TAFA1: variants seen among roughly 807,000 people sequenced by gnomAD.
TAFA1 encodes chemokine-like protein TAFA-1.
In TAFA1, 4 loss-of-function variants were observed where a neutral mutation model predicts 18.5. The ratio of observed to expected loss-of-function variants is 0.22; its 90% confidence interval spans 0.11 to 0.49. The LOEUF (loss-of-function observed/expected upper bound fraction) is 0.49, where lower values mean the gene tolerates loss of function less well. TAFA1 is among the 20% of genes least tolerant of loss of function. The probability of loss-of-function intolerance (pLI) is 0.98; values close to 1 mark genes in which losing one functional copy is unlikely to be tolerated. For synonymous variants in TAFA1, 56 were observed against 55.2 expected, an observed-to-expected ratio of 1.01 and a Z score of -0.06; for missense variants, 147 against 169.0, an observed-to-expected ratio of 0.87 and a Z score of 0.72.
intron 3 of TAFA1, among the ~76,000 whole-genome samples, chr3:68,479,682 T>G (rs570142447): frequency 6.6e-6 from 1 of 152,296 alleles, no homozygotes; most frequent in African/African-American, 2.4e-5. Context: ...CTATGTGAAT[T>G]CTGAAGGTAT....
At chr3:68,294,666 C>G (rs931412809) in intron 2 of TAFA1, among the ~76,000 whole-genome samples, 4 of 152,038 alleles carry the variant, frequency 2.6e-5, no homozygotes, top group Non-Finnish European at 1.5e-5. Flanking sequence ...GGGCAAATGA[C>G]TTGAGCCCAG....
At chr3:68,071,416 A>G (rs536202320) in intron 2 of TAFA1, among the ~76,000 whole-genome samples, 47 of 152,202 alleles carry the variant, frequency 3.1e-4, no homozygotes, top group Non-Finnish European at 6.2e-4. Context: ...TGGGAGAGAC[A>G]ATTCAAGATG....
intron 2 of TAFA1, among the ~76,000 whole-genome samples, chr3:68,362,957 C>T (rs1318956336): frequency 9.9e-5 from 8 of 80,476 alleles, no homozygotes; most frequent in Non-Finnish European, 1.4e-4. Flanking sequence ...TTTTTTTTAA[C>T]GATGTAAGCC....
intron 2 of TAFA1, among the ~76,000 whole-genome samples, chr3:68,300,378 A>C (rs1194032849): frequency 6.6e-6 from 1 of 151,550 alleles, no homozygotes; most frequent in East Asian, 1.9e-4. Flanking sequence ...TTCTCACATT[A>C]GCCAAATGTG....
chr3:68,443,682 A>G (rs990023273), intron 3 of TAFA1, among the ~76,000 whole-genome samples: 3 of 152,098 alleles, frequency 2.0e-5, no homozygotes, highest in African/African-American at 7.2e-5. Context: ...AGTGCAGGAA[A>G]GACCCGACCC....
intron 2 of TAFA1, among the ~76,000 whole-genome samples, chr3:68,383,164 T>C (rs1167510039): frequency 1.3e-5 from 2 of 151,876 alleles, no homozygotes; most frequent in African/African-American, 4.8e-5. Context: ...ATAGTTTGAC[T>C]TACTCTCTTT....
chr3:68,469,988 C>T (rs952831893), intron 3 of TAFA1, among the ~76,000 whole-genome samples: 13 of 152,148 alleles, frequency 8.5e-5, no homozygotes, highest in Admixed American at 7.2e-4. Context: ...TACAGTTTGG[C>T]TGTGTCCCCA....
chr3:68,223,569 A>C (rs1401729916), intron 2 of TAFA1, among the ~76,000 whole-genome samples: 1 of 152,090 alleles, frequency 6.6e-6, no homozygotes, highest in Non-Finnish European at 1.5e-5. Flanking sequence ...TCCTTCTAAT[A>C]AAAATGTAAG....
At chr3:68,159,446 T>G (rs545090249) in intron 2 of TAFA1, among the ~76,000 whole-genome samples, 2 of 152,310 alleles carry the variant, frequency 1.3e-5, no homozygotes, top group East Asian at 3.9e-4. Context: ...TTTAAGAAAT[T>G]ATTAGCAACA....
chr3:68,084,224 A>C (rs1196585102), intron 2 of TAFA1, among the ~76,000 whole-genome samples: 1 of 152,194 alleles, frequency 6.6e-6, no homozygotes, highest in East Asian at 1.9e-4. Context: ...GCACCTCTTT[A>C]GTGGAGTTGT....
intron 2 of TAFA1, among the ~76,000 whole-genome samples, chr3:68,188,864 G>A (rs571338544): frequency 6.3e-4 from 96 of 151,658 alleles, no homozygotes; most frequent in African/African-American, 1.9e-3. Flanking sequence ...TTTTTTGTTC[G>A]TTTGTTTGTT....
At chr3:68,470,069 T>C (rs908938016) in intron 3 of TAFA1, among the ~76,000 whole-genome samples, 1 of 152,152 alleles carries the variant, frequency 6.6e-6, no homozygotes, top group African/African-American at 2.4e-5. Flanking sequence ...AATTGAATCA[T>C]GGGGACAGTT....
At chr3:68,137,205 C>G (rs1001849909) in intron 2 of TAFA1, among the ~76,000 whole-genome samples, 2 of 151,802 alleles carry the variant, frequency 1.3e-5, no homozygotes, top group Non-Finnish European at 2.9e-5. Flanking sequence ...AAACCTCAAG[C>G]ATTCAGTCAC....
At chr3:68,292,412 AAAAAAAAAAAAC>A (rs940944972) in intron 2 of TAFA1, among the ~76,000 whole-genome samples, 10 of 113,850 alleles carry the variant, frequency 8.8e-5, no homozygotes, top group African/African-American at 1.3e-4. Context: ...AGACTCTGTC[AAAAAAAAAAAAC>A]AAAAAAAAAA....
At chr3:68,322,501 CAT>C (rs1164494684) in intron 2 of TAFA1, among the ~76,000 whole-genome samples, 1 of 152,160 alleles carries the variant, frequency 6.6e-6, no homozygotes, top group Non-Finnish European at 1.5e-5. Flanking sequence ...GGAGAAGTTA[CAT>C]GTCTTGCCCA....
chr3:68,266,894 A>C (rs965542198), intron 2 of TAFA1, among the ~76,000 whole-genome samples: 11 of 152,170 alleles, frequency 7.2e-5, no homozygotes, highest in Non-Finnish European at 1.6e-4. Flanking sequence ...CTGCCTGACT[A>C]GTCTTTAATG....
At chr3:68,398,479 T>A (rs13086037) in intron 2 of TAFA1, among the ~76,000 whole-genome samples, 1 of 152,166 alleles carries the variant, frequency 6.6e-6, no homozygotes, top group South Asian at 2.1e-4. Context: ...AGAAGGATCT[T>A]CCATTTTCAC....
At chr3:68,125,361 A>G (rs2065451706) in intron 2 of TAFA1, among the ~76,000 whole-genome samples, 1 of 152,180 alleles carries the variant, frequency 6.6e-6, no homozygotes, top group African/African-American at 2.4e-5. Flanking sequence ...TGCTATTGTG[A>G]ATTTTGCTAT....
chr3:68,055,326 G>C (rs115341705), intron 2 of TAFA1, among the ~76,000 whole-genome samples: 116 of 152,176 alleles, frequency 7.6e-4, no homozygotes, highest in African/African-American at 2.7e-3. Context: ...AGGTGGGATG[G>C]TTTGATTCTT....
Sources: gnomAD v4.1 joint callset for allele counts (sites outside exome capture counted in the v4.1 genomes callset) on GRCh38, gnomAD v4.1.1 for gene constraint, MANE v1.5 for transcripts, NCBI Gene and HGNC (gene_info 2026-07-23, HGNC 2026-07-21) for gene names.